Variants in COX10 observed in about 807,000 individuals in gnomAD.
COX10 encodes protoheme IX farnesyltransferase, mitochondrial.
A neutral mutation model predicts 37.3 loss-of-function variants in COX10; 27 were observed. That is an observed-to-expected ratio of 0.72 (90% confidence interval 0.53 to 1.00). The LOEUF (loss-of-function observed/expected upper bound fraction) is 1.00. COX10 is among the 50% of genes least tolerant of loss of function. COX10 has a pLI of 0.00. For synonymous variants in COX10, 222 were observed against 229.1 expected (o/e 0.97, Z 0.28); for missense variants, 475 against 563.2 (o/e 0.84, Z 1.59).
At chr17:14,185,714 A>G (rs1906004789) in intron 5 of COX10, among the ~76,000 whole-genome samples, 1 of 146,072 alleles carries the variant, frequency 6.8e-6, no homozygotes, top group African/African-American at 2.5e-5. Flanking sequence ...GTCTCATTGT[A>G]TACAAATATT....
chr17:14,110,286 T>C (rs562030679), intron 4 of COX10, among the ~76,000 whole-genome samples: 126 of 152,300 alleles, frequency 8.3e-4, no homozygotes, highest in Non-Finnish European at 1.5e-3. Context: ...TATACTTGTT[T>C]ATGAATTCTT....
intron 4 of COX10, among the ~76,000 whole-genome samples, chr17:14,103,277 T>C (rs1915826752): frequency 1.3e-5 from 2 of 152,136 alleles, no homozygotes; most frequent in Non-Finnish European, 2.9e-5. Flanking sequence ...ATAAACATGA[T>C]TCCACCATGA....
Position 14,207,382 on chromosome 17 carries a change from G to A in COX10, c.*169G>A. On this transcript the variant is annotated 3_prime_UTR_variant, in exon 7 of 7. Coordinates refer to ENST00000261643, the MANE Select transcript of COX10 (RefSeq NM_001303.4). ...TTTTTTTTTAAATATTACCCAAAAT[G>A]CTCCCCAAATAAGAAATGCATCAGC... is the stretch of plus-strand genomic sequence containing the variant. The A allele has an allele frequency of 1.2e-6, 1 of 863,942 alleles. No individual in the cohort carries two copies. The highest frequency in any genetic ancestry group is 1.7e-6 in the Non-Finnish European group (1 of 589,388). The allele number at this position is 863,942 out of a possible 1,614,324, so 53.5% of individuals were successfully genotyped here.
At chr17:14,071,212 T>G (rs1001836701) in intron 1 of COX10, among the ~76,000 whole-genome samples, 5 of 152,164 alleles carry the variant, frequency 3.3e-5, no homozygotes, top group African/African-American at 9.7e-5. Flanking sequence ...GATTAGCTGT[T>G]TTTCTGCCTT....
At chr17:14,160,320 T>TA (rs1322936714) in intron 5 of COX10, among the ~76,000 whole-genome samples, 2 of 152,228 alleles carry the variant, frequency 1.3e-5, no homozygotes, top group African/African-American at 2.4e-5. Flanking sequence ...TCTGAAATCT[T>TA]ACTTTTTCAG....
At chr17:14,106,855 G>A (rs1444829039) in intron 4 of COX10, among the ~76,000 whole-genome samples, 1 of 152,116 alleles carries the variant, frequency 6.6e-6, no homozygotes, top group African/African-American at 2.4e-5. Context: ...GGCTATTGCT[G>A]TATATAGTTT....
intron 4 of COX10, among the ~76,000 whole-genome samples, chr17:14,147,855 A>C (rs1377451241): frequency 1.3e-5 from 2 of 151,748 alleles, no homozygotes; most frequent in African/African-American, 2.4e-5. Context: ...GGTAAAGCAT[A>C]GTAAATCAGC....
intron 5 of COX10, among the ~76,000 whole-genome samples, chr17:14,169,641 C>T (rs867273168): frequency 6.6e-6 from 1 of 152,170 alleles, no homozygotes; most frequent in African/African-American, 2.4e-5. Flanking sequence ...ACATTTCTGG[C>T]AAATCGTTCT....
intron 4 of COX10, among the ~76,000 whole-genome samples, chr17:14,112,015 T>C (rs1758763466): frequency 6.6e-6 from 1 of 152,182 alleles, no homozygotes; most frequent in Non-Finnish European, 1.5e-5. Context: ...TGAATTCCTT[T>C]CATGATTTTC....
chr17:14,078,406 G>C (rs549030809), intron 3 of COX10, among the ~76,000 whole-genome samples: 1 of 152,118 alleles, frequency 6.6e-6, no homozygotes, highest in Non-Finnish European at 1.5e-5. Flanking sequence ...ATTAGCTCTC[G>C]TCTCTTGTTG....
intron 4 of COX10, among the ~76,000 whole-genome samples, chr17:14,112,594 C>G (rs1916026563): frequency 6.6e-6 from 1 of 152,112 alleles, no homozygotes; most frequent in East Asian, 1.9e-4. Flanking sequence ...TTTATTGGCT[C>G]TGTAACAGAA....
At chr17:14,113,709 A>G (rs189033085) in intron 4 of COX10, among the ~76,000 whole-genome samples, 49 of 152,288 alleles carry the variant, frequency 3.2e-4, no homozygotes, top group Non-Finnish European at 4.3e-4. Flanking sequence ...CTGCTTTAGC[A>G]TTCAAAAGGT....
At chr17:14,113,119 C>G (rs997257025) in intron 4 of COX10, among the ~76,000 whole-genome samples, 1 of 152,174 alleles carries the variant, frequency 6.6e-6, no homozygotes, top group Admixed American at 6.6e-5. Flanking sequence ...ACAGGATCTT[C>G]TAGATTTCAG....
intron 5 of COX10, among the ~76,000 whole-genome samples, chr17:14,173,908 A>T (rs1327603747): frequency 6.6e-6 from 1 of 152,160 alleles, no homozygotes; most frequent in African/African-American, 2.4e-5. Context: ...TTCCAGCATG[A>T]CAACATGGGC....
intron 4 of COX10, among the ~76,000 whole-genome samples, chr17:14,132,796 T>C (rs1163784658): frequency 6.6e-6 from 1 of 151,674 alleles, no homozygotes; most frequent in Non-Finnish European, 1.5e-5. Context: ...TGATGCAAAA[T>C]TATAGCTTCA....
At chr17:14,193,647 G>C (rs956603681) in intron 6 of COX10, among the ~76,000 whole-genome samples, 29 of 145,736 alleles carry the variant, frequency 2.0e-4, no homozygotes, top group Non-Finnish European at 4.3e-4. Flanking sequence ...GCATCCCTGG[G>C]CTAGATGACA....
intron 6 of COX10, among the ~76,000 whole-genome samples, chr17:14,200,947 C>T (rs1217101068): frequency 1.3e-5 from 2 of 152,208 alleles, no homozygotes; most frequent in African/African-American, 4.8e-5. Flanking sequence ...TGTTCTCCTG[C>T]CCTGCACTAA....
At chr17:14,185,515 C>G (rs989433284) in intron 5 of COX10, among the ~76,000 whole-genome samples, 6 of 152,040 alleles carry the variant, frequency 3.9e-5, no homozygotes, top group African/African-American at 1.4e-4. Flanking sequence ...AGATAGATCT[C>G]TTGATTAAAA....
chr17:14,168,292 C>G (rs1905349299), intron 5 of COX10, among the ~76,000 whole-genome samples: 2 of 152,238 alleles, frequency 1.3e-5, no homozygotes, highest in Admixed American at 1.3e-4. Context: ...GGCAGTTCTG[C>G]TCCTGTGGCT....
Sources: gnomAD v4.1 joint callset for allele counts (sites outside exome capture counted in the v4.1 genomes callset) on GRCh38, gnomAD v4.1.1 for gene constraint, MANE v1.5 for transcripts, NCBI Gene and HGNC (gene_info 2026-07-23, HGNC 2026-07-21) for gene names.